Variants in SCFD2 observed in about 807,000 individuals in gnomAD.
SCFD2 encodes sec1 family domain-containing protein 2.
Under a neutral mutation model 58.9 loss-of-function variants are expected in SCFD2, and 54 were observed. That is an observed-to-expected ratio of 0.92 (90% CI 0.74 to 1.15). The LOEUF (loss-of-function observed/expected upper bound fraction) is 1.15, where lower values mean the gene tolerates loss of function less well. Among genes scored for constraint, SCFD2 ranks in the 50% most tolerant of loss-of-function variants. SCFD2 has a pLI of 0.00. For synonymous variants in SCFD2, 321 were observed against 335.9 expected, an observed-to-expected ratio of 0.96 and a Z score of 0.49; for missense variants, 805 against 836.6, an observed-to-expected ratio of 0.96 and a Z score of 0.47.
intron 5 of SCFD2, among the ~76,000 whole-genome samples, chr4:52,982,400 T>C (rs1053703739): frequency 2.6e-5 from 4 of 152,224 alleles, no homozygotes; most frequent in Non-Finnish European, 5.9e-5. Flanking sequence ...TAAATAGGCA[T>C]TCATTGAAAT....
chr4:53,133,928 A>G (rs185474369), intron 5 of SCFD2, among the ~76,000 whole-genome samples: 1 of 152,356 alleles, frequency 6.6e-6, no homozygotes, highest in Admixed American at 6.5e-5. Context: ...CCATAGCTTG[A>G]CAATTATGAA....
At chr4:53,193,826 TC>T (rs1440690776) in intron 4 of SCFD2, among the ~76,000 whole-genome samples, 1 of 152,170 alleles carries the variant, frequency 6.6e-6, no homozygotes, top group Non-Finnish European at 1.5e-5. Flanking sequence ...TAAGCATGGT[TC>T]ATAAGATTCT....
intron 5 of SCFD2, among the ~76,000 whole-genome samples, chr4:53,083,436 C>A (rs1025399849): frequency 1.1e-4 from 16 of 152,204 alleles, no homozygotes; most frequent in African/African-American, 3.6e-4. Context: ...GGGAATACTT[C>A]CAACCTTATT....
intron 4 of SCFD2, among the ~76,000 whole-genome samples, chr4:53,212,827 C>T (rs1484700575): frequency 2.0e-5 from 3 of 151,558 alleles, no homozygotes; most frequent in Non-Finnish European, 4.4e-5. Context: ...CACAAGTGAA[C>T]CTTAACTCAT....
At chr4:52,924,133 A>G (rs1314265805) in intron 5 of SCFD2, among the ~76,000 whole-genome samples, 1 of 152,234 alleles carries the variant, frequency 6.6e-6, no homozygotes, top group Non-Finnish European at 1.5e-5. Flanking sequence ...TATAGAACAG[A>G]AAGAGTCATC....
chr4:53,098,100 C>T (rs1184003316), intron 5 of SCFD2, among the ~76,000 whole-genome samples: 1 of 152,158 alleles, frequency 6.6e-6, no homozygotes, highest in Non-Finnish European at 1.5e-5. Context: ...TTTTGATGTG[C>T]TGCTGGATTT....
intron 5 of SCFD2, among the ~76,000 whole-genome samples, chr4:52,923,776 G>A (rs1719799933): frequency 6.6e-6 from 1 of 152,148 alleles, no homozygotes; most frequent in African/African-American, 2.4e-5. Flanking sequence ...TACAGAGCAT[G>A]GATTGGTATC....
intron 2 of SCFD2, among the ~76,000 whole-genome samples, chr4:53,339,229 G>C (rs1476889435): frequency 2.6e-5 from 4 of 151,900 alleles, no homozygotes; most frequent in Non-Finnish European, 5.9e-5. Context: ...TTGTATGGGA[G>C]AGTAAAGGGA....
chr4:53,345,041 A>T (rs187378829), intron 2 of SCFD2, among the ~76,000 whole-genome samples: 2,725 of 152,344 alleles, frequency 0.018, 53 homozygotes, highest in Non-Finnish European at 0.027. Context: ...AGGCATGGGC[A>T]AAGACTTCAT....
chr4:53,078,173 A>G (rs1185200018), intron 5 of SCFD2, among the ~76,000 whole-genome samples: 2 of 152,188 alleles, frequency 1.3e-5, no homozygotes, highest in South Asian at 4.1e-4. Context: ...CTTACTTTAT[A>G]GACAAGGAAC....
chr4:53,271,475 A>ATTTT (rs1402233921), intron 4 of SCFD2, among the ~76,000 whole-genome samples: 1 of 150,700 alleles, frequency 6.6e-6, no homozygotes, highest in Non-Finnish European at 1.5e-5. Context: ...TTATTTATTT[A>ATTTT]TTTTTGAGAT....
intron 5 of SCFD2, among the ~76,000 whole-genome samples, chr4:53,111,402 C>T (rs1045226836): frequency 1.3e-5 from 2 of 152,066 alleles, no homozygotes; most frequent in African/African-American, 2.4e-5. Flanking sequence ...CTTTCTGGTA[C>T]ATATAATTTC....
chr4:53,053,740 G>A (rs1398905482), intron 5 of SCFD2, among the ~76,000 whole-genome samples: 1 of 152,078 alleles, frequency 6.6e-6, no homozygotes, highest in Non-Finnish European at 1.5e-5. Context: ...GAATGGCTCC[G>A]CTTCTCTGGG....
At chr4:53,042,713 C>A (rs977265954) in intron 5 of SCFD2, among the ~76,000 whole-genome samples, 1 of 150,818 alleles carries the variant, frequency 6.6e-6, no homozygotes, top group African/African-American at 2.5e-5. Context: ...TTTTTTTCAG[C>A]GAATTCAGCC....
intron 5 of SCFD2, among the ~76,000 whole-genome samples, chr4:53,135,772 A>G (rs1725918955): frequency 6.6e-6 from 1 of 151,936 alleles, no homozygotes; most frequent in Non-Finnish European, 1.5e-5. Flanking sequence ...AGTTTGACAC[A>G]GTCTCCACCA....
intron 5 of SCFD2, among the ~76,000 whole-genome samples, chr4:53,020,327 C>A (rs541557202): frequency 1.3e-5 from 2 of 152,172 alleles, no homozygotes; most frequent in Non-Finnish European, 2.9e-5. Context: ...AGCCAGTTTA[C>A]ACACATCTTG....
intron 4 of SCFD2, among the ~76,000 whole-genome samples, chr4:53,222,845 T>C (rs774404341): frequency 1.3e-5 from 2 of 152,218 alleles, no homozygotes; most frequent in African/African-American, 2.4e-5. Context: ...TGAAAAGTAA[T>C]ATAACTTCAG....
intron 7 of SCFD2, among the ~76,000 whole-genome samples, chr4:52,902,447 G>A (rs1005362428): frequency 2.0e-5 from 3 of 152,178 alleles, no homozygotes; most frequent in African/African-American, 7.2e-5. Context: ...TGAAATGTTT[G>A]TGACTTCTTC....
intron 4 of SCFD2, among the ~76,000 whole-genome samples, chr4:53,161,406 G>C (rs1726848461): frequency 1.3e-5 from 2 of 152,136 alleles, no homozygotes; most frequent in Admixed American, 1.3e-4. Flanking sequence ...AGTAAGAGCA[G>C]GAAAACATAA....
Sources: gnomAD v4.1 joint callset for allele counts (sites outside exome capture counted in the v4.1 genomes callset) on GRCh38, gnomAD v4.1.1 for gene constraint, MANE v1.5 for transcripts, NCBI Gene and HGNC (gene_info 2026-07-23, HGNC 2026-07-21) for gene names.